The following ZC2HC1A variants were observed in gnomAD, a reference collection of about 807,000 sequenced individuals.
ZC2HC1A encodes zinc finger C2HC-type containing 1A, also known as zinc finger C2HC domain-containing protein 1A.
In ZC2HC1A, 28 loss-of-function variants were observed where a neutral mutation model predicts 40.7. That is an observed-to-expected ratio of 0.69 (90% CI 0.51 to 0.94). The LOEUF is 0.94. ZC2HC1A is among the 40% of genes least tolerant of loss of function. The probability of loss-of-function intolerance (pLI) is 0.00; values close to 1 mark genes in which losing one functional copy is unlikely to be tolerated. For synonymous variants in ZC2HC1A, 129 were observed against 129.2 expected (o/e 1.00, Z 0.01); for missense variants, 389 against 386.3 (o/e 1.01, Z -0.06).
rs779614896 is a variant in ZC2HC1A at position 78,698,477 on chromosome 8, C to T, written c.668C>T (p.Ser223Phe). The T allele has an allele frequency of 1.9e-6, 3 of 1,612,790 alleles. No individual in the cohort carries two copies. The highest frequency in any genetic ancestry group is 1.7e-6 in the Non-Finnish European group (2 of 1,179,038). ...SSLGNKLQTL[S>F]PSHKGIAAPH... ...TTGGGAAACAAACTTCAGACCTTAT[C>T]TCCCTCTCATAAAGGGATAGCAGCC... Residue 223 changes from serine to phenylalanine, a missense_variant, in exon 7 of 9, where the codon TCT (serine) becomes TTT (phenylalanine). Coordinates refer to ENST00000263849, the MANE Select transcript of ZC2HC1A (RefSeq NM_016010.3).
intron 7 of ZC2HC1A, among the ~76,000 whole-genome samples, chr8:78,710,964 C>T (rs1485729265): frequency 6.6e-6 from 1 of 152,044 alleles, no homozygotes; most frequent in African/African-American, 2.4e-5. Context: ...AAAATGAACA[C>T]ATTCTTTTCA....
chr8:78,703,748 T>C (rs1810681764), intron 7 of ZC2HC1A, among the ~76,000 whole-genome samples: 1 of 152,192 alleles, frequency 6.6e-6, no homozygotes, highest in Non-Finnish European at 1.5e-5. Flanking sequence ...TGCCACTCTG[T>C]GTCTTTTAAT....
At position 78,689,339 on chromosome 8, in the gene ZC2HC1A, A is replaced by G; in HGVS notation, c.470A>G (p.Asp157Gly). 2 of 1,599,794 alleles carry G rather than the reference A, an allele frequency of 1.3e-6. No individual in the cohort carries two copies. Among genetic ancestry groups the G allele is most frequent in the African/African-American group, 1.3e-5 (1 of 74,164 alleles). Residue 157 changes from aspartate (D) to glycine (G), a missense_variant, in exon 5 of 9, where the codon GAT (aspartate) becomes GGT (glycine). Physicochemically the swap from Asp to Gly is moderately conservative, Grantham distance 94. Coordinates refer to ENST00000263849, the MANE Select transcript of ZC2HC1A (RefSeq NM_016010.3). ...AGTAATAAAGGGAAATTTTCTACAG[A>G]TACCAAAGGAAAACCAACTTCTCGG... ...RISNKGKFST[D>G]TKGKPTSRTQ...
At position 78,699,501 on chromosome 8, in the gene ZC2HC1A, G is replaced by A. The variant is rs1392075093; in HGVS notation, c.704+988G>A. Among the ~76,000 whole-genome samples the A allele has an allele frequency of 2.0e-5, 3 of 152,028 alleles. No individual in the cohort carries two copies. In the East Asian group the frequency reaches 5.8e-4, roughly 29 times the overall value. ...AACTTTTAAGTTCAGGGATACAAGT[G>A]CAGGTTTGTTACATAGGTAAACTTG... On this transcript the variant is annotated intron_variant, in intron 7 of 8. Coordinates refer to ENST00000263849, the MANE Select transcript of ZC2HC1A (RefSeq NM_016010.3).
At chr8:78,705,287 T>C (rs1810734524) in intron 7 of ZC2HC1A, among the ~76,000 whole-genome samples, 1 of 152,194 alleles carries the variant, frequency 6.6e-6, no homozygotes, top group Non-Finnish European at 1.5e-5. Flanking sequence ...TGCTTACCTT[T>C]GGATGGGTTT....
At chr8:78,705,088 T>C (rs1397833272) in intron 7 of ZC2HC1A, among the ~76,000 whole-genome samples, 1 of 152,218 alleles carries the variant, frequency 6.6e-6, no homozygotes, top group African/African-American at 2.4e-5. Context: ...GTATCCTGAA[T>C]TCTGCTTCTT....
At chr8:78,713,605 A>G (rs1428057211) in intron 7 of ZC2HC1A, among the ~76,000 whole-genome samples, 1 of 152,186 alleles carries the variant, frequency 6.6e-6, no homozygotes, top group Non-Finnish European at 1.5e-5. Context: ...AACCTCATGA[A>G]TGGACTTGGA....
chr8:78,697,664 G>A (rs1810467752), intron 6 of ZC2HC1A, among the ~76,000 whole-genome samples, 158 bp downstream of exon 6: 1 of 151,088 alleles, frequency 6.6e-6, no homozygotes, highest in African/African-American at 2.4e-5. Flanking sequence ...ATAACTTTGA[G>A]TAGTTTCTAC....
At chr8:78,682,660 C>T (rs1206238596) in intron 3 of ZC2HC1A, among the ~76,000 whole-genome samples, 1 of 152,150 alleles carries the variant, frequency 6.6e-6, no homozygotes, top group Admixed American at 6.5e-5. Context: ...CCATATCATT[C>T]TGTCCCTGGC....
rs373131335 is a variant in ZC2HC1A at position 78,676,445 on chromosome 8, TA to T, written c.93+584del. 1.8e-3 allele frequency among the ~76,000 whole-genome samples: 275 copies of T among 152,150 alleles called. 1 individual carries two copies. The highest frequency in any genetic ancestry group is 6.3e-3 in the African/African-American group (261 of 41,576). On this transcript the variant is annotated intron_variant, in intron 2 of 8. Coordinates refer to ENST00000263849, the MANE Select transcript of ZC2HC1A (RefSeq NM_016010.3). ...TAGTAAGTACAAATAAAAACGCTTT[TA>T]ACTAATCTTAATAAAGTTAGCTAAC...
intron 1 of ZC2HC1A, 60 bp downstream of exon 1, chr8:78,666,224 C>G (rs955965477): frequency 3.8e-5 from 59 of 1,555,086 alleles, no homozygotes; most frequent in African/African-American, 5.4e-5. Flanking sequence ...AGCTGGGGAC[C>G]CTGGACACCA....
intron 7 of ZC2HC1A, chr8:78,711,931 C>A: frequency 1.8e-6 from 2 of 1,097,520 alleles, no homozygotes; most frequent in Non-Finnish European, 2.4e-6. Context: ...TTTAAAAAAA[C>A]TTTATATAAA....
intron 3 of ZC2HC1A, among the ~76,000 whole-genome samples, chr8:78,682,722 C>G (rs1809828980): frequency 1.3e-5 from 2 of 152,298 alleles, no homozygotes; most frequent in African/African-American, 4.8e-5. Context: ...GCCTTCCCAA[C>G]AGTCCCCCAA....
chr8:78,690,183 G>A (rs1177757066), intron 5 of ZC2HC1A, among the ~76,000 whole-genome samples: 2 of 148,526 alleles, frequency 1.3e-5, no homozygotes, highest in Non-Finnish European at 1.5e-5. Context: ...AGTCAATACC[G>A]CATTATCACT....
chr8:78,691,048 C>T (rs1810195774), intron 5 of ZC2HC1A, among the ~76,000 whole-genome samples: 1 of 152,082 alleles, frequency 6.6e-6, no homozygotes, highest in African/African-American at 2.4e-5. Context: ...ATTTTCTTCC[C>T]TCCAACCTTT....
chr8:78,679,681 A>C (rs1809702705), intron 3 of ZC2HC1A, among the ~76,000 whole-genome samples: 1 of 152,162 alleles, frequency 6.6e-6, no homozygotes, highest in Non-Finnish European at 1.5e-5. Flanking sequence ...TAAGTACCTG[A>C]TTGAATAGGT....
At chr8:78,690,926 A>G (rs1253147025) in intron 5 of ZC2HC1A, among the ~76,000 whole-genome samples, 1 of 152,026 alleles carries the variant, frequency 6.6e-6, no homozygotes. Context: ...TTGTATATTA[A>G]TCTTATACCC....
chr8:78,694,664 G>T (rs530180965), intron 5 of ZC2HC1A, among the ~76,000 whole-genome samples: 1 of 152,118 alleles, frequency 6.6e-6, no homozygotes, highest in East Asian at 1.9e-4. Flanking sequence ...TAATTGAAAG[G>T]TTGGTCTAAA....
At position 78,718,788 on chromosome 8, in the gene ZC2HC1A, G is replaced by C. The variant is rs920002590; in HGVS notation, c.*1295G>C. The C allele has an allele frequency of 6.6e-6, 1 of 151,628 alleles. No homozygotes were observed. The highest frequency in any genetic ancestry group is 2.1e-4 in the South Asian group (1 of 4,828). The allele number at this position is 151,628 out of a possible 1,614,324, so 9.4% of individuals were successfully genotyped here. A position where few individuals can be genotyped will look rare whatever the true frequency, so the allele number is the denominator to read the frequency against. On this transcript the variant is annotated 3_prime_UTR_variant, in exon 9 of 9. Transcript: ENST00000263849. Reference sequence around the variant, plus strand: ...AGATTGCCTTGATGGCAGTAATTCTGTAGTAATTTCTATTCAATCAAACCT... The same window carrying C: ...AGATTGCCTTGATGGCAGTAATTCTCTAGTAATTTCTATTCAATCAAACCT...
Sources: allele counts gnomAD v4.1 joint callset (sites outside exome capture counted in the v4.1 genomes callset), GRCh38; gene constraint gnomAD v4.1.1; transcripts MANE v1.5; gene names NCBI Gene and HGNC (gene_info 2026-07-23, HGNC 2026-07-21).